The following PXYLP1 variants were observed in gnomAD, a reference collection of about 807,000 sequenced individuals.
PXYLP1 encodes the protein 2-phosphoxylose phosphatase 1.
A neutral mutation model predicts 37.9 loss-of-function variants in PXYLP1; 17 were observed. The ratio of observed to expected loss-of-function variants is 0.45; its 90% CI spans 0.31 to 0.67. The LOEUF is 0.67. Among genes scored for constraint, PXYLP1 ranks in the 30% least tolerant of loss-of-function variants. PXYLP1 has a pLI of 0.07. For missense variants in PXYLP1, 511 were observed against 612.0 expected, an observed-to-expected ratio of 0.84 and a Z score of 1.74; for synonymous variants, 221 against 232.2, an observed-to-expected ratio of 0.95 and a Z score of 0.44.
intron 1 of PXYLP1, among the ~76,000 whole-genome samples, chr3:141,244,263 C>T (rs1423097969): frequency 6.6e-6 from 1 of 152,172 alleles, no homozygotes; most frequent in Non-Finnish European, 1.5e-5. Context: ...AAAAGTCTTG[C>T]TCCTACACCT....
At chr3:141,232,109 A>G (rs1055541432) in intron 1 of PXYLP1, 198 bp downstream of exon 1, 1 of 152,000 alleles carries the variant, frequency 6.6e-6, no homozygotes, top group Non-Finnish European at 1.5e-5. Flanking sequence ...CTCCTCCTTT[A>G]TCCCCGCGCT....
At chr3:141,242,624 C>CT (rs1940836902) in intron 1 of PXYLP1, among the ~76,000 whole-genome samples, 1 of 152,174 alleles carries the variant, frequency 6.6e-6, no homozygotes, top group African/African-American at 2.4e-5. Flanking sequence ...TAGTCTAAGC[C>CT]AAGGGCTGAA....
chr3:141,249,960 T>A (rs1559882519), intron 1 of PXYLP1, among the ~76,000 whole-genome samples: 1 of 151,844 alleles, frequency 6.6e-6, no homozygotes, highest in Non-Finnish European at 1.5e-5. Flanking sequence ...CTTTGTAGAG[T>A]TGGAAAAAAA....
intron 2 of PXYLP1, chr3:141,272,971 A>G (rs1384594555): frequency 1.0e-6 from 1 of 984,718 alleles, no homozygotes; most frequent in Non-Finnish European, 1.2e-6. Context: ...CCCAGTATTA[A>G]CCATCACATC....
At chr3:141,278,601 C>G in intron 3 of PXYLP1, 101 bp downstream of exon 3, 3 of 1,450,784 alleles carry the variant, frequency 2.1e-6, no homozygotes, top group Non-Finnish European at 2.8e-6. Context: ...GACCCAAGTC[C>G]TGCAGTTGCC....
At chr3:141,281,536 G>A (rs567587055) in intron 4 of PXYLP1, among the ~76,000 whole-genome samples, 3 of 152,242 alleles carry the variant, frequency 2.0e-5, no homozygotes, top group Non-Finnish European at 4.4e-5. Flanking sequence ...AGTGGTGGCA[G>A]CATTAGAGAA....
At chr3:141,242,933 A>G (rs1940847093) in intron 1 of PXYLP1, among the ~76,000 whole-genome samples, 1 of 152,220 alleles carries the variant, frequency 6.6e-6, no homozygotes, top group Non-Finnish European at 1.5e-5. Context: ...CTTGGCATAG[A>G]GCAGATGCTC....
rs765579191 is a variant in PXYLP1 at position 141,292,228 on chromosome 3, C to T, written c.506-40C>T. The stretch of plus-strand genomic sequence containing the variant: ...ACCTCCCCTTGCTGTTTCTTTTGCT[C>T]AGCTGGAAGTAAGGTAAGCTTTGTG... On this transcript the variant is annotated intron_variant, in intron 5 of 5. Transcript: ENST00000286353. This position sits in a 1 kb window ranked among gnomAD's most constrained non-coding sequence, Gnocchi z 4.3. The T allele has an allele frequency of 6.5e-6, 10 of 1,536,558 alleles. No homozygotes were observed. The highest frequency in any genetic ancestry group is 2.2e-4 in the Middle Eastern group (1 of 4,638).
At chr3:141,260,363 A>T (rs1941363195) in intron 2 of PXYLP1, 109 bp downstream of exon 2, 2 of 1,300,486 alleles carry the variant, frequency 1.5e-6, no homozygotes, top group Non-Finnish European at 2.1e-6. Flanking sequence ...AAGACAACGA[A>T]GTCTTTTTAT....
chr3:141,292,601 A>C lies in PXYLP1; in HGVS notation c.839A>C (p.Lys280Thr), dbSNP rs1474874565. Residue 280 changes from lysine (K) to threonine (T), a missense_variant, in exon 6 of 6, where the codon AAG (lysine) becomes ACG (threonine). Coordinates refer to ENST00000286353, the MANE Select transcript of PXYLP1 (RefSeq NM_001037172.3). The surrounding 1 kb of genome is among the most constrained non-coding windows in gnomAD (Gnocchi z 4.3). ...QLEKTYGEMA[K>T]IVDVPTKQLR... ...GAGAAGACCTACGGGGAGATGGCCA[A>C]GATCGTGGATGTCCCCACCAAGCAG... 4 of 1,613,950 alleles carry C rather than the reference A, an allele frequency of 2.5e-6. No homozygotes were observed. The highest frequency in any genetic ancestry group is 3.4e-6 in the Non-Finnish European group (4 of 1,180,028).
chr3:141,285,437 C>T (rs755871179), intron 4 of PXYLP1, among the ~76,000 whole-genome samples: 6 of 151,762 alleles, frequency 4.0e-5, no homozygotes, highest in Non-Finnish European at 8.8e-5. Context: ...CCACCATGCC[C>T]GGCCTGTTAG....
In PXYLP1 at chr3:141,268,200, AGAGAGAGTGTGTGTGTGT is replaced by A. The variant is rs1025071954; in HGVS notation, c.79+7948_79+7965del. Among the ~76,000 whole-genome samples, 14 of 32,812 alleles carry A rather than the reference AGAGAGAGTGTGTGTGTGT, an allele frequency of 4.3e-4. No individual in the cohort carries two copies. The East Asian group carries it at 0.011, about 26-fold the overall frequency. The allele number at this position is 32,812 out of a possible 152,430, so 21.5% of individuals were successfully genotyped here. A position where few individuals can be genotyped will look rare whatever the true frequency, so the allele number is the denominator to read the frequency against. ...GAGAGAGAGAGAGAGAGAGAGAGAG[AGAGAGAGTGTGTGTGTGT>A]GTGTGTGTGTGTGTGTGTGTGTGTC... On this transcript the variant is annotated intron_variant, in intron 2 of 5. Coordinates refer to ENST00000286353, the MANE Select transcript of PXYLP1 (RefSeq NM_001037172.3).
Position 141,272,998 on chromosome 3 carries a change from T to C in PXYLP1, c.80-5344T>C, listed in dbSNP as rs577833624. On this transcript the variant is annotated intron_variant, in intron 2 of 5. Transcript: ENST00000286353. ...CATCACATCTGGTAACTTCCCAATA[T>C]TTCCTTTATATCCATGTCTTCACTG... The C allele has an allele frequency of 1.3e-3, 1,304 of 985,428 alleles. 13 individuals are homozygous for C. The African/African-American group carries it at 0.022, about 16-fold the overall frequency. 61.0% of individuals were successfully genotyped at this position (985,428 alleles called of 1,614,324 possible).
intron 1 of PXYLP1, among the ~76,000 whole-genome samples, chr3:141,237,157 C>A (rs1485221931): frequency 6.6e-6 from 1 of 152,156 alleles, no homozygotes; most frequent in Non-Finnish European, 1.5e-5. Flanking sequence ...TCCCTGCCCA[C>A]GTTGCTTGAT....
At chr3:141,278,622 G>A (rs912539707) in intron 3 of PXYLP1, 122 bp downstream of exon 3, 5 of 1,273,084 alleles carry the variant, frequency 3.9e-6, no homozygotes, top group Admixed American at 2.2e-5. Flanking sequence ...ACCAGGCTGT[G>A]CCCTTGAATG....
chr3:141,246,762 A>G (rs1226338532), intron 1 of PXYLP1, among the ~76,000 whole-genome samples: 1 of 152,252 alleles, frequency 6.6e-6, no homozygotes, highest in Non-Finnish European at 1.5e-5. Context: ...GTGTTGCCAC[A>G]TAGTAAATCA....
At chr3:141,232,214 C>T (rs1355128058) in intron 1 of PXYLP1, 1 of 152,778 alleles carries the variant, frequency 6.5e-6, no homozygotes, top group Non-Finnish European at 1.5e-5. Context: ...CCCCCTTCTC[C>T]CAGAGCTGGC....
rs191064002 is a variant in PXYLP1 at position 141,274,679 on chromosome 3, C to T, written c.80-3663C>T. The T allele has an allele frequency of 2.3e-4, 161 of 709,544 alleles. 1 individual carries two copies. Among genetic ancestry groups the T allele is most frequent in the East Asian group, 1.2e-3 (45 of 37,322 alleles). 44.0% of individuals were successfully genotyped at this position (709,544 alleles called of 1,614,324 possible). A position where few individuals can be genotyped will look rare whatever the true frequency, so the allele number is the denominator to read the frequency against. On this transcript the variant is annotated intron_variant, in intron 2 of 5. Transcript: ENST00000286353. Reference sequence around the variant, plus strand: ...CAGCGGGGGATATAAATGTGAAAGACGCACACTCCCAGCCCTCTGGATGTT... The same window carrying T: ...CAGCGGGGGATATAAATGTGAAAGATGCACACTCCCAGCCCTCTGGATGTT...
Position 141,292,432 on chromosome 3 carries a change from G to C in PXYLP1, c.670G>C (p.Asp224His), listed in dbSNP as rs773181320. The C allele has an allele frequency of 1.9e-6, 3 of 1,614,104 alleles. No homozygotes were observed. Among genetic ancestry groups the C allele is most frequent in the Non-Finnish European group, 2.5e-6 (3 of 1,180,052 alleles). ...GLALLYGFLP[D>H]FDWKKIYFRH... Reference sequence around the variant, plus strand: ...GGCCTTGCTTTATGGCTTTCTCCCAGATTTTGACTGGAAGAAGATTTATTT... The same window carrying C: ...GGCCTTGCTTTATGGCTTTCTCCCACATTTTGACTGGAAGAAGATTTATTT... Residue 224 changes from aspartate (D) to histidine (H), a missense_variant, in exon 6 of 6, where the codon GAT (aspartate) becomes CAT (histidine). Asp to His is a moderately conservative substitution (Grantham distance 81). Transcript: ENST00000286353. This position sits in a 1 kb window ranked among gnomAD's most constrained non-coding sequence, Gnocchi z 4.3.
Sources: gnomAD v4.1 joint callset for allele counts (sites outside exome capture counted in the v4.1 genomes callset) on GRCh38, gnomAD v4.1.1 for gene constraint, Gnocchi (gnomAD v3.1) non-coding constraint, MANE v1.5 for transcripts, NCBI Gene and HGNC (gene_info 2026-07-23, HGNC 2026-07-21) for gene names.